ERC1: variants seen among roughly 807,000 people sequenced by gnomAD.
ERC1 encodes the protein ELKS/RAB6-interacting/CAST family member 1.
A neutral mutation model predicts 132.0 loss-of-function variants in ERC1; 56 were observed. The observed-to-expected ratio is 0.42, with a 90% CI of 0.34 to 0.53. The LOEUF (loss-of-function observed/expected upper bound fraction) is 0.53. Ranked by LOEUF, ERC1 falls within the 20% of genes least tolerant of loss-of-function variation. The pLI, the probability that ERC1 is intolerant of heterozygous loss-of-function variation, is 0.03. For missense variants in ERC1, 1,202 were observed against 1,349.9 expected (o/e 0.89, Z 1.72); for synonymous variants, 478 against 476.1 (o/e 1.00, Z -0.05).
intron 17 of ERC1, 189 bp from the exon 18 acceptor site, chr12:1,444,373 A>C: frequency 2.1e-6 from 1 of 486,444 alleles, no homozygotes; most frequent in South Asian, 3.5e-5. Flanking sequence ...TGCGTGTGAC[A>C]GCGTAAATGT....
chr12:1,033,453 G>A (rs949277793), intron 2 of ERC1, among the ~76,000 whole-genome samples: 5 of 150,600 alleles, frequency 3.3e-5, no homozygotes, highest in African/African-American at 1.2e-4. Flanking sequence ...TCACAGTCAT[G>A]AGCCACCGCA....
chr12:1,046,726 T>G (rs1196714385), intron 2 of ERC1, among the ~76,000 whole-genome samples: 2 of 152,220 alleles, frequency 1.3e-5, no homozygotes, highest in Admixed American at 1.3e-4. Context: ...TTAACCATCA[T>G]AACAATTTTA....
At chr12:1,333,330 A>ATT (rs36055111) in intron 15 of ERC1, among the ~76,000 whole-genome samples, 205 of 110,720 alleles carry the variant, frequency 1.9e-3, no homozygotes, top group African/African-American at 2.4e-3. Context: ...TATGTACCGC[A>ATT]TTTTTTTTTT....
chr12:1,469,214 G>A (rs1368474932), intron 18 of ERC1, among the ~76,000 whole-genome samples: 2 of 152,226 alleles, frequency 1.3e-5, no homozygotes, highest in Non-Finnish European at 2.9e-5. Flanking sequence ...TCCTGCTGGT[G>A]GGAGCCTTGA....
chr12:1,455,778 A>C (rs968129498), intron 18 of ERC1, among the ~76,000 whole-genome samples: 4 of 152,226 alleles, frequency 2.6e-5, no homozygotes, highest in Admixed American at 2.6e-4. Flanking sequence ...CAAAATTTCA[A>C]ACTTTTTCAT....
At position 1,289,084 on chromosome 12, in the gene ERC1, T is replaced by TACACACAC. The variant is rs57334239; in HGVS notation, c.2620-728_2620-721dup. ...TTCTGTCTCCTTTCTATCTGGTATG[T>TACACACAC]ACACACACACACACACACACACACA... On this transcript the variant is annotated intron_variant, in intron 14 of 18. Coordinates refer to ENST00000360905, the MANE Select transcript of ERC1 (RefSeq NM_178040.4). Among the ~76,000 whole-genome samples, 85 of 102,882 alleles carry TACACACAC rather than the reference T, an allele frequency of 8.3e-4. No individual in the cohort carries two copies. The East Asian group carries it at 0.012, about 15-fold the overall frequency. The allele number at this position is 102,882 out of a possible 152,430, so 67.5% of individuals were successfully genotyped here. A position where few individuals can be genotyped will look rare whatever the true frequency, so the allele number is the denominator to read the frequency against.
At chr12:1,036,070 C>T (rs1033389722) in intron 2 of ERC1, among the ~76,000 whole-genome samples, 2 of 151,938 alleles carry the variant, frequency 1.3e-5, no homozygotes, top group Non-Finnish European at 2.9e-5. Context: ...TTATTTAAAG[C>T]ACTGTCATTG....
intron 12 of ERC1, among the ~76,000 whole-genome samples, chr12:1,233,452 C>T (rs2075192834): frequency 8.7e-6 from 1 of 114,762 alleles, no homozygotes; most frequent in South Asian, 2.6e-4. Flanking sequence ...GCCTGGGCAA[C>T]AGAGTGAGAC....
chr12:1,322,317 T>C (rs2082170062), intron 15 of ERC1, among the ~76,000 whole-genome samples: 1 of 152,142 alleles, frequency 6.6e-6, no homozygotes, highest in African/African-American at 2.4e-5. Flanking sequence ...TCCATTCTCT[T>C]AGGAAAACTG....
At chr12:1,472,330 G>A (rs576924374) in intron 18 of ERC1, among the ~76,000 whole-genome samples, 1 of 152,194 alleles carries the variant, frequency 6.6e-6, no homozygotes, top group South Asian at 2.1e-4. Context: ...GAAAATGAAT[G>A]GCAGAAATAT....
chr12:1,480,089 G>A (rs1426648947), intron 18 of ERC1, among the ~76,000 whole-genome samples: 2 of 126,484 alleles, frequency 1.6e-5, no homozygotes, highest in African/African-American at 7.2e-5. Context: ...TGGTGGAAAG[G>A]GGCTTTTTTT....
chr12:1,049,747 CTT>C (rs35361881), intron 2 of ERC1, among the ~76,000 whole-genome samples: 83 of 112,976 alleles, frequency 7.3e-4, no homozygotes, highest in African/African-American at 1.8e-3. Context: ...GTTTTGTGAT[CTT>C]TTTTTTTTTT....
intron 13 of ERC1, among the ~76,000 whole-genome samples, chr12:1,251,795 T>C (rs1249773857): frequency 6.6e-6 from 1 of 152,182 alleles, no homozygotes; most frequent in Non-Finnish European, 1.5e-5. Flanking sequence ...AAAGACTTTA[T>C]TGATAGGACT....
intron 12 of ERC1, among the ~76,000 whole-genome samples, chr12:1,196,590 C>T (rs1487373586): frequency 2.0e-5 from 3 of 151,206 alleles, no homozygotes; most frequent in Admixed American, 6.6e-5. Flanking sequence ...ACCTCCCAGC[C>T]TCAAGCGATC....
intron 12 of ERC1, among the ~76,000 whole-genome samples, chr12:1,209,055 A>G (rs1204607325): frequency 7.4e-6 from 1 of 134,738 alleles, no homozygotes; most frequent in Non-Finnish European, 1.5e-5. Flanking sequence ...TGCAACCTCT[A>G]CCTCCCAGGT....
At chr12:1,301,009 G>A (rs73031222) in intron 15 of ERC1, among the ~76,000 whole-genome samples, 5,281 of 146,006 alleles carry the variant, frequency 0.036, 99 homozygotes, top group Middle Eastern at 0.076. Context: ...TTACTCAGCC[G>A]TTAAAAGTAA....
intron 16 of ERC1, among the ~76,000 whole-genome samples, chr12:1,402,125 G>T (rs2091119678): frequency 6.6e-6 from 1 of 152,174 alleles, no homozygotes; most frequent in Non-Finnish European, 1.5e-5. Flanking sequence ...TTGTAAAAAA[G>T]AGAAATTGCA....
At chr12:1,436,366 T>G (rs1170668005) in intron 17 of ERC1, among the ~76,000 whole-genome samples, 1 of 152,204 alleles carries the variant, frequency 6.6e-6, no homozygotes, top group African/African-American at 2.4e-5. Context: ...GTAAATGTGT[T>G]CCTCTTCAGT....
intron 15 of ERC1, among the ~76,000 whole-genome samples, chr12:1,305,933 G>C (rs931532692): frequency 1.3e-5 from 2 of 152,162 alleles, no homozygotes; most frequent in African/African-American, 4.8e-5. Context: ...CTGTGGAAAG[G>C]CAGCAGAAGG....
Sources: gnomAD v4.1 joint callset for allele counts (sites outside exome capture counted in the v4.1 genomes callset) on GRCh38, gnomAD v4.1.1 for gene constraint, MANE v1.5 for transcripts, NCBI Gene and HGNC (gene_info 2026-07-23, HGNC 2026-07-21) for gene names.